Variants in U2SURP observed in about 807,000 individuals in gnomAD.
The protein encoded by U2SURP is U2 snRNP associated SURP domain containing.
Under a neutral mutation model 144.9 loss-of-function variants are expected in U2SURP, and 9 were observed. The observed-to-expected ratio is 0.06, with a 90% CI of 0.04 to 0.11. The LOEUF (loss-of-function observed/expected upper bound fraction) is 0.11. Ranked by LOEUF, U2SURP falls within the 10% of genes least tolerant of loss-of-function variation. The probability of loss-of-function intolerance (pLI) is 1.00; values close to 1 mark genes in which losing one functional copy is unlikely to be tolerated. For synonymous variants in U2SURP, 408 were observed against 396.8 expected (o/e 1.03, Z -0.33); for missense variants, 724 against 1,226.7 (o/e 0.59, Z 6.12).
rs1008267346 is a variant in U2SURP, at chr3:143,056,508, G to A, written c.*58G>A. 1.3e-5 allele frequency: 20 copies of A among 1,569,278 alleles called. No homozygotes were observed. The highest frequency in any genetic ancestry group is 5.5e-5 in the African/African-American group (4 of 72,500). On this transcript the variant is annotated 3_prime_UTR_variant, in exon 28 of 28. Coordinates refer to ENST00000473835, the MANE Select transcript of U2SURP (RefSeq NM_001080415.2). Reference sequence around the variant, plus strand: ...AATGCGATTTGTTTTGTGCCTGAACGGTCTGTTTTTTAAAAAAACAAAAAA... The same window carrying A: ...AATGCGATTTGTTTTGTGCCTGAACAGTCTGTTTTTTAAAAAAACAAAAAA...
chr3:143,021,395 T>G lies in U2SURP; in HGVS notation c.769+10T>G. On this transcript the variant is annotated intron_variant, in intron 9 of 27. Coordinates refer to ENST00000473835, the MANE Select transcript of U2SURP (RefSeq NM_001080415.2). Reference sequence around the variant, plus strand: ...AATAGATCATCTGGTGGTAATACAGTTTTTTGCTCTTTTAATCGATAAATT... The same window carrying G: ...AATAGATCATCTGGTGGTAATACAGGTTTTTGCTCTTTTAATCGATAAATT... 1 of 1,604,558 alleles carries G rather than the reference T, an allele frequency of 6.2e-7. No homozygotes were observed. Among genetic ancestry groups the G allele is most frequent in the Non-Finnish European group, 8.5e-7 (1 of 1,174,558 alleles).
rs1306142365 is a variant in U2SURP, at chr3:143,030,356, T to G, written c.1610+1710T>G. On this transcript the variant is annotated intron_variant, in intron 16 of 27. Coordinates refer to ENST00000473835, the MANE Select transcript of U2SURP (RefSeq NM_001080415.2). Reference sequence around the variant, plus strand: ...AAATTTTAGGACCATTAAGAATTTATGCTAAATCAACTCTGCCTGTGCTCT... The same window carrying G: ...AAATTTTAGGACCATTAAGAATTTAGGCTAAATCAACTCTGCCTGTGCTCT... Among the ~76,000 whole-genome samples the G allele has an allele frequency of 3.9e-5, 6 of 152,368 alleles. No homozygotes were observed. In the East Asian group the frequency reaches 9.6e-4, roughly 24 times the overall value.
Position 143,056,538 on chromosome 3 carries a change from A to G in U2SURP, c.*88A>G, listed in dbSNP as rs1214697925. 6.7e-7 allele frequency: 1 copy of G among 1,493,904 alleles called. No homozygotes were observed. Among genetic ancestry groups the G allele is most frequent in the African/African-American group, 1.4e-5 (1 of 71,076 alleles). The allele number at this position is 1,493,904 out of a possible 1,614,324, so 92.5% of individuals were successfully genotyped here. A position where few individuals can be genotyped will look rare whatever the true frequency, so the allele number is the denominator to read the frequency against. On this transcript the variant is annotated 3_prime_UTR_variant, in exon 28 of 28. Transcript: ENST00000473835. ...GTTTTTTAAAAAAACAAAAAATCAAATGAAAGAGCATTCCTGGGGTTTTTT... is the reference window on the plus strand; with the variant it reads ...GTTTTTTAAAAAAACAAAAAATCAAGTGAAAGAGCATTCCTGGGGTTTTTT...
In U2SURP at chr3:143,045,207, A is replaced by G. The variant is rs566208715; in HGVS notation, c.2544+1931A>G. ...AACACGGTGAAACCCGGTCTCTACTAAAAATACAAAAATTAGCCGGGCATG... is the reference window on the plus strand; with the variant it reads ...AACACGGTGAAACCCGGTCTCTACTGAAAATACAAAAATTAGCCGGGCATG... On this transcript the variant is annotated intron_variant, in intron 24 of 27. Transcript: ENST00000473835. 2.0e-5 allele frequency among the ~76,000 whole-genome samples: 3 copies of G among 152,102 alleles called. No homozygotes were observed. The East Asian group carries it at 5.8e-4, about 29-fold the overall frequency.
chr3:143,009,553 G>A (rs1247890203), intron 1 of U2SURP, among the ~76,000 whole-genome samples: 1 of 151,686 alleles, frequency 6.6e-6, no homozygotes, highest in African/African-American at 2.4e-5. Context: ...AGCCGAGGTC[G>A]CGCCACTGTA....
chr3:143,023,614 G>T (rs571985049), intron 12 of U2SURP, among the ~76,000 whole-genome samples: 171 of 152,270 alleles, frequency 1.1e-3, no homozygotes, highest in Non-Finnish European at 1.7e-3. Context: ...TGACAGGGCT[G>T]GTTTTAAAGG....
intron 2 of U2SURP, 91 bp downstream of exon 2, chr3:143,010,950 T>C: frequency 1.0e-6 from 1 of 971,278 alleles, no homozygotes; most frequent in Non-Finnish European, 1.5e-6. Context: ...ACTTGACAAA[T>C]AAATACAATT....
chr3:143,008,096 A>C (rs1254167005), intron 1 of U2SURP, among the ~76,000 whole-genome samples: 2 of 152,248 alleles, frequency 1.3e-5, no homozygotes, highest in Non-Finnish European at 2.9e-5. Context: ...GTGCTACACT[A>C]TGCTGTTACT....
At position 143,016,846 on chromosome 3, in the gene U2SURP, A is replaced by G. The variant is rs770208372; in HGVS notation, c.441A>G (p.Glu147=). 6.4e-7 allele frequency: 1 copy of G among 1,550,442 alleles called. No individual in the cohort carries two copies. Among genetic ancestry groups the G allele is most frequent in the Admixed American group, 2.3e-5 (1 of 44,368 alleles). The change falls in exon 6 of 28, where the codon GAA becomes GAG. Residue 147 remains glutamate (E), a synonymous_variant. Coordinates refer to ENST00000473835, the MANE Select transcript of U2SURP (RefSeq NM_001080415.2). ...RGGVVNAAKE[E]HETDEKRGKI... ...ACTTAGTATTTTAAATTTCAGAAGA[A>G]CATGAAACAGATGAAAAAAGAGGTA...
chr3:143,020,528 A>G (rs975498351), intron 7 of U2SURP, 71 bp from the exon 8 acceptor site: 1 of 964,200 alleles, frequency 1.0e-6, no homozygotes, highest in East Asian at 2.6e-5. Flanking sequence ...TAGTAATTTG[A>G]TAAGCGCTAT....
chr3:143,003,034 T>G (rs1935620102), intron 1 of U2SURP, among the ~76,000 whole-genome samples: 1 of 152,178 alleles, frequency 6.6e-6, no homozygotes, highest in African/African-American at 2.4e-5. Flanking sequence ...AAGTCGTGCA[T>G]AAGCCTCACA....
chr3:143,049,265 C>CA lies in U2SURP; in HGVS notation c.2545-1647dup, dbSNP rs200930787. On this transcript the variant is annotated intron_variant, in intron 24 of 27. Transcript: ENST00000473835. ...TGGGCAACAGAGTAAGACTCCATCT[C>CA]AAAAAAAAAAAAAAAAAAAAAAAAA... is the stretch of plus-strand genomic sequence containing the variant. Among the ~76,000 whole-genome samples, 331 of 81,466 alleles carry CA rather than the reference C, an allele frequency of 4.1e-3. 9 individuals are homozygous for CA. Among genetic ancestry groups the CA allele is most frequent in the East Asian group, 6.2e-3 (19 of 3,062 alleles). The allele number at this position is 81,466 out of a possible 152,430, so 53.4% of individuals were successfully genotyped here.
intron 24 of U2SURP, among the ~76,000 whole-genome samples, chr3:143,044,794 T>G (rs1414028500): frequency 4.6e-5 from 7 of 152,184 alleles, no homozygotes; most frequent in African/African-American, 1.7e-4. Flanking sequence ...ATAGTCACTG[T>G]TGGGCTGATA....
intron 19 of U2SURP, among the ~76,000 whole-genome samples, chr3:143,035,768 A>G (rs997316644): frequency 2.0e-4 from 30 of 152,096 alleles, no homozygotes; most frequent in African/African-American, 7.2e-4. Flanking sequence ...ATTTTTCATT[A>G]TATTTATTTT....
In U2SURP at chr3:143,023,080, G is replaced by A. The variant is rs945971710; in HGVS notation, c.1230+16G>A. On this transcript the variant is annotated intron_variant, in intron 12 of 27. Transcript: ENST00000473835. Reference sequence around the variant, plus strand: ...TTTTGAGAAGGTAATTTAAAAAATGGACATAAGGCCGCATCTAATTTGTAA... The same window carrying A: ...TTTTGAGAAGGTAATTTAAAAAATGAACATAAGGCCGCATCTAATTTGTAA... 2.6e-6 allele frequency: 4 copies of A among 1,567,974 alleles called. No homozygotes were observed. Among genetic ancestry groups the A allele is most frequent in the Non-Finnish European group, 2.6e-6 (3 of 1,154,344 alleles).
intron 26 of U2SURP, among the ~76,000 whole-genome samples, chr3:143,054,268 C>G (rs1215856917): frequency 6.6e-6 from 1 of 152,170 alleles, no homozygotes; most frequent in African/African-American, 2.4e-5. Flanking sequence ...GTTTTTATGT[C>G]TTACTCTCAC....
At chr3:143,007,963 G>T (rs765271879) in intron 1 of U2SURP, among the ~76,000 whole-genome samples, 1 of 152,178 alleles carries the variant, frequency 6.6e-6, no homozygotes, top group Admixed American at 6.5e-5. Flanking sequence ...TTAAAGTTCC[G>T]TGCTGAATGC....
At chr3:143,055,205 CA>C (rs1477064494) in intron 27 of U2SURP, 86 bp downstream of exon 27, 43 of 1,091,524 alleles carry the variant, frequency 3.9e-5, no homozygotes, top group African/African-American at 5.1e-5. Flanking sequence ...GGTTGGCATA[CA>C]TTTTTTTTTT....
intron 4 of U2SURP, among the ~76,000 whole-genome samples, chr3:143,015,890 ATATT>A (rs1416852222): frequency 1.3e-5 from 2 of 152,128 alleles, no homozygotes; most frequent in African/African-American, 4.8e-5. Flanking sequence ...GATTTGAAAA[ATATT>A]TATATTCACT....
Sources: gnomAD v4.1 joint callset for allele counts (sites outside exome capture counted in the v4.1 genomes callset) on GRCh38, gnomAD v4.1.1 for gene constraint, MANE v1.5 for transcripts, NCBI Gene and HGNC (gene_info 2026-07-23, HGNC 2026-07-21) for gene names.